Variants in GNB4 observed in about 807,000 individuals in gnomAD.
GNB4 encodes G protein subunit beta 4, also known as guanine nucleotide-binding protein subunit beta-4.
GNB4 carries 28 observed loss-of-function variants against 45.2 expected under a neutral mutation model. The observed-to-expected ratio is 0.62, with a 90% CI of 0.46 to 0.85. GNB4 has a LOEUF of 0.85. Among genes scored for constraint, GNB4 ranks in the 40% least tolerant of loss-of-function variants. The pLI, the probability that GNB4 is intolerant of heterozygous loss-of-function variation, is 0.00. For synonymous variants in GNB4, 132 were observed against 143.7 expected (o/e 0.92, Z 0.58); for missense variants, 321 against 425.4 (o/e 0.75, Z 2.16).
At chr3:179,465,221 G>T in the GNB4 span, 1 of 1,404,164 alleles carries the variant, frequency 7.1e-7, no homozygotes, top group African/African-American at 1.4e-5. Context: ...GGTTGGAGAT[G>T]TGGATTTTGA....
At chr3:179,455,326 AG>A, upstream of GNB4, among the ~76,000 whole-genome samples, 1 of 152,344 alleles carries the variant, frequency 6.6e-6, no homozygotes, top group East Asian at 1.9e-4. Flanking sequence ...GTCCCCGGAA[AG>A]GGACATGTCA....
intron 8 of GNB4, among the ~76,000 whole-genome samples, chr3:179,408,315 T>C (rs1383738362): frequency 6.6e-6 from 1 of 151,972 alleles, no homozygotes; most frequent in Non-Finnish European, 1.5e-5. Flanking sequence ...GCCGATTAGA[T>C]ACAACAGAAA....
the GNB4 span, among the ~76,000 whole-genome samples, chr3:179,469,536 A>C: frequency 8.5e-5 from 13 of 152,322 alleles, 1 homozygote; most frequent in East Asian, 2.3e-3. Flanking sequence ...GTTCTGCATG[A>C]CACGTTATTG....
rs368714359 is a variant in GNB4, at chr3:179,440,880, T to G, written c.-43+10466A>C. Among the ~76,000 whole-genome samples the G allele has an allele frequency of 5.4e-3, 800 of 149,094 alleles. 8 individuals carry two copies. Among genetic ancestry groups the G allele is most frequent in the African/African-American group, 0.015 (595 of 40,544 alleles). On this transcript the variant is annotated intron_variant, in intron 1 of 9. Coordinates refer to ENST00000232564, the MANE Select transcript of GNB4 (RefSeq NM_021629.4). ...AAAAATTCCTATATATATAGATAGA[T>G]AGAGAGAGAGAGAGAGAGAGAGATA... is the stretch of plus-strand genomic sequence containing the variant.
the GNB4 span, among the ~76,000 whole-genome samples, chr3:179,490,714 T>C: frequency 6.6e-6 from 1 of 152,196 alleles, no homozygotes; most frequent in Non-Finnish European, 1.5e-5. Context: ...TCCTTTGTTT[T>C]TGTTCTAGCT....
chr3:179,494,710 C>A, the GNB4 span, among the ~76,000 whole-genome samples: 1 of 151,794 alleles, frequency 6.6e-6, no homozygotes, highest in Non-Finnish European at 1.5e-5. Flanking sequence ...GAGATCAAGA[C>A]CATCCTGGCT....
the GNB4 span, among the ~76,000 whole-genome samples, chr3:179,526,620 T>C: frequency 6.6e-6 from 1 of 152,008 alleles, no homozygotes; most frequent in Non-Finnish European, 1.5e-5. Context: ...TGTCTCTATT[T>C]TATTCTCTCT....
chr3:179,410,510 ATC>A (rs1714621793), intron 8 of GNB4: 1 of 152,164 alleles, frequency 6.6e-6, no homozygotes, highest in African/African-American at 2.4e-5. Flanking sequence ...AAGATGTGTA[ATC>A]TTCTCACTGT....
rs1714166252 is a variant in GNB4 at position 179,397,841 on chromosome 3, A to G, written c.*3372T>C. 1 of 152,454 alleles carries G rather than the reference A, an allele frequency of 6.6e-6. No individual in the cohort carries two copies. Among genetic ancestry groups the G allele is most frequent in the Non-Finnish European group, 1.5e-5 (1 of 68,062 alleles). The allele number at this position is 152,454 out of a possible 1,614,324, so 9.4% of individuals were successfully genotyped here. A position where few individuals can be genotyped will look rare whatever the true frequency, so the allele number is the denominator to read the frequency against. On this transcript the variant is annotated 3_prime_UTR_variant, in exon 10 of 10. Coordinates refer to ENST00000232564, the MANE Select transcript of GNB4 (RefSeq NM_021629.4). ...AACCTCCACCTCCTGAGTTCAAGTA[A>G]TTCTCTGCCTCAGCCTCACGAGTAG...
chr3:179,495,489 A>G, the GNB4 span, among the ~76,000 whole-genome samples: 3 of 151,556 alleles, frequency 2.0e-5, no homozygotes, highest in East Asian at 1.9e-4. Context: ...AGAAAGAAGT[A>G]AAGAAAGAAA....
At chr3:179,494,167 G>C in the GNB4 span, among the ~76,000 whole-genome samples, 1 of 152,228 alleles carries the variant, frequency 6.6e-6, no homozygotes, top group South Asian at 2.1e-4. Context: ...GTGGCATTCT[G>C]AACTATTTCT....
chr3:179,399,235 C>G lies in GNB4; in HGVS notation c.*1978G>C, dbSNP rs1278867033. ...TTTTCCAATTTGAGATGGAGTCTCA[C>G]TCTGTCGCCTAGGCTGGAGTGCAGT... On this transcript the variant is annotated 3_prime_UTR_variant, in exon 10 of 10. Coordinates refer to ENST00000232564, the MANE Select transcript of GNB4 (RefSeq NM_021629.4). 1 of 151,852 alleles carries G rather than the reference C, an allele frequency of 6.6e-6. No homozygotes were observed. The highest frequency in any genetic ancestry group is 1.5e-5 in the Non-Finnish European group (1 of 68,014). The allele number at this position is 151,852 out of a possible 1,614,324, so 9.4% of individuals were successfully genotyped here.
the GNB4 span, among the ~76,000 whole-genome samples, chr3:179,463,691 G>A: frequency 6.6e-6 from 1 of 152,200 alleles, no homozygotes; most frequent in Non-Finnish European, 1.5e-5. Flanking sequence ...ATAAACTAGT[G>A]AGGAGCTGCA....
chr3:179,445,147 C>G (rs1715687712), intron 1 of GNB4, among the ~76,000 whole-genome samples: 1 of 152,130 alleles, frequency 6.6e-6, no homozygotes, highest in Admixed American at 6.6e-5. Flanking sequence ...CTTTCTTCAG[C>G]TATAGAGAAA....
intron 8 of GNB4, among the ~76,000 whole-genome samples, chr3:179,413,060 T>C (rs1714695298): frequency 1.3e-5 from 2 of 151,776 alleles, no homozygotes; most frequent in South Asian, 4.2e-4. Context: ...GTACCTGTAA[T>C]CCTAGCTACC....
chr3:179,468,714 A>T, the GNB4 span, among the ~76,000 whole-genome samples: 1 of 152,204 alleles, frequency 6.6e-6, no homozygotes, highest in African/African-American at 2.4e-5. Context: ...GCCCTGAAAG[A>T]TCTCAAAGTA....
intron 6 of GNB4, among the ~76,000 whole-genome samples, 155 bp from the exon 7 acceptor site, chr3:179,413,936 T>A (rs1407983209): frequency 6.6e-6 from 1 of 152,240 alleles, no homozygotes; most frequent in Non-Finnish European, 1.5e-5. Context: ...CTTCAAATCC[T>A]ACATTGTCTA....
the GNB4 span, among the ~76,000 whole-genome samples, chr3:179,483,432 C>T: frequency 2.0e-5 from 3 of 151,556 alleles, no homozygotes; most frequent in East Asian, 5.8e-4. Context: ...GGGGAAAGGC[C>T]CATAAAGGCA....
At chr3:179,525,761 A>G in the GNB4 span, among the ~76,000 whole-genome samples, 1 of 152,144 alleles carries the variant, frequency 6.6e-6, no homozygotes, top group Non-Finnish European at 1.5e-5. Context: ...TTGGAAGGAC[A>G]GGGAGATTGA....
Sources: allele counts gnomAD v4.1 joint callset (sites outside exome capture counted in the v4.1 genomes callset), GRCh38; gene constraint gnomAD v4.1.1; transcripts MANE v1.5; gene names NCBI Gene and HGNC (gene_info 2026-07-23, HGNC 2026-07-21).